CLPTM1: variants seen among roughly 807,000 people sequenced by gnomAD.
The protein encoded by CLPTM1 is CLPTM1 regulator of GABA type A receptor forward trafficking, also known as putative lipid scramblase CLPTM1.
Under a neutral mutation model 77.3 loss-of-function variants are expected in CLPTM1, and 21 were observed. The observed-to-expected ratio is 0.27, with a 90% CI of 0.19 to 0.39. The LOEUF is 0.39. Among genes scored for constraint, CLPTM1 ranks in the 10% least tolerant of loss-of-function variants. The pLI, the probability that CLPTM1 is intolerant of heterozygous loss-of-function variation, is 1.00. For synonymous variants in CLPTM1, 373 were observed against 381.0 expected (o/e 0.98, Z 0.24); for missense variants, 642 against 921.2 (o/e 0.70, Z 3.92).
Position 44,992,803 on chromosome 19 carries a change from C to G in CLPTM1, c.1916C>G (p.Thr639Arg). Reference sequence around the variant, plus strand: ...ACCGCCACCAGGGAGGAGGCCTCCACGTCCCTGCCCACCAAGCCCACCCAG... The same window carrying G: ...ACCGCCACCAGGGAGGAGGCCTCCAGGTCCCTGCCCACCAAGCCCACCCAG... ...TTTATREEAS[T>R]SLPTKPTQGA... The change falls in exon 14 of 14, where the codon ACG becomes AGG. Residue 639 changes from threonine to arginine, a missense_variant. By Grantham distance (71) the Thr-to-Arg change is moderately conservative. Transcript: ENST00000337392. The surrounding 1 kb of genome is among the most constrained non-coding windows in gnomAD (Gnocchi z 7.7). The G allele has an allele frequency of 1.2e-6, 2 of 1,613,462 alleles. No homozygotes were observed. Among genetic ancestry groups the G allele is most frequent in the Non-Finnish European group, 1.7e-6 (2 of 1,179,882 alleles).
chr19:44,968,397 G>A (rs932544509), intron 2 of CLPTM1, among the ~76,000 whole-genome samples: 6 of 152,130 alleles, frequency 3.9e-5, no homozygotes, highest in Non-Finnish European at 7.3e-5. Flanking sequence ...GGAATGGGGT[G>A]GGAGGGAGAG....
At chr19:44,986,637 T>C in intron 7 of CLPTM1, 62 bp downstream of exon 7, 2 of 1,580,656 alleles carry the variant, frequency 1.3e-6, no homozygotes, top group South Asian at 2.3e-5. Context: ...GGGGTCCATC[T>C]CCTTGTCTTC....
chr19:44,956,107 C>T (rs527715408), intron 1 of CLPTM1, among the ~76,000 whole-genome samples: 1 of 152,280 alleles, frequency 6.6e-6, no homozygotes, highest in African/African-American at 2.4e-5. Context: ...CCACTGCTGT[C>T]TTAACACACT....
intron 2 of CLPTM1, among the ~76,000 whole-genome samples, chr19:44,972,492 G>A (rs905474596): frequency 2.0e-5 from 3 of 151,900 alleles, no homozygotes; most frequent in Admixed American, 6.6e-5. Context: ...CTCGTGATCC[G>A]CCCGCCTTGG....
At chr19:44,986,788 A>C in intron 7 of CLPTM1, 1 of 585,654 alleles carries the variant, frequency 1.7e-6, no homozygotes, top group South Asian at 2.3e-5. Flanking sequence ...ACACGCCAGC[A>C]TCGGTCCGCA....
chr19:44,964,468 G>A lies in CLPTM1; in HGVS notation c.185+2393G>A, dbSNP rs540854337. ...TGGGACTACAGGCACCTGCCACCAC[G>A]CCTGGCTAATTTTTGTATTTTTAGT... On this transcript the variant is annotated intron_variant, in intron 2 of 13. Coordinates refer to ENST00000337392, the MANE Select transcript of CLPTM1 (RefSeq NM_001294.4). Among the ~76,000 whole-genome samples the A allele has an allele frequency of 2.6e-5, 4 of 151,466 alleles. No homozygotes were observed. In the South Asian group the frequency reaches 6.3e-4, roughly 24 times the overall value.
rs574697802 is a variant in CLPTM1, at chr19:44,992,054, C to T, written c.1556-179C>T. ...TCAGATATCCAGGGAGAGAGCTGTG[C>T]GGATGTGACAGAAGGCCCCACCAGT... On this transcript the variant is annotated intron_variant, in intron 12 of 13. Transcript: ENST00000337392. The surrounding 1 kb of genome is among the most constrained non-coding windows in gnomAD (Gnocchi z 7.7). 3.2e-4 allele frequency among the ~76,000 whole-genome samples: 48 copies of T among 152,172 alleles called. No homozygotes were observed. The highest frequency in any genetic ancestry group is 1.6e-3 in the Admixed American group (25 of 15,290).
intron 2 of CLPTM1, among the ~76,000 whole-genome samples, chr19:44,969,131 C>T (rs1277459794): frequency 6.6e-6 from 1 of 152,200 alleles, no homozygotes; most frequent in Non-Finnish European, 1.5e-5. Context: ...TTCTCAGTCA[C>T]TTACTGGGTA....
At chr19:44,970,798 C>G (rs1264209220) in intron 2 of CLPTM1, among the ~76,000 whole-genome samples, 1 of 143,830 alleles carries the variant, frequency 7.0e-6, no homozygotes, top group African/African-American at 2.8e-5. Context: ...TTTTTTTTCC[C>G]CTAGACCTGC....
At chr19:44,959,743 G>T (rs1260401759) in intron 1 of CLPTM1, among the ~76,000 whole-genome samples, 1 of 152,180 alleles carries the variant, frequency 6.6e-6, no homozygotes, top group African/African-American at 2.4e-5. Context: ...TTCAATAACT[G>T]CCATATTTTC....
At chr19:44,961,443 C>T (rs762118722) in intron 1 of CLPTM1, among the ~76,000 whole-genome samples, 1 of 152,214 alleles carries the variant, frequency 6.6e-6, no homozygotes, top group Non-Finnish European at 1.5e-5. Context: ...TAGCCACCTC[C>T]TTGCATCCTG....
chr19:44,982,654 G>A (rs1231403694), intron 5 of CLPTM1, among the ~76,000 whole-genome samples: 1 of 152,240 alleles, frequency 6.6e-6, no homozygotes, highest in Non-Finnish European at 1.5e-5. Flanking sequence ...GACAGTCTCT[G>A]TCAGGTGTGG....
intron 2 of CLPTM1, 144 bp from the exon 3 acceptor site, chr19:44,972,943 G>A: frequency 8.8e-7 from 1 of 1,136,996 alleles, no homozygotes; most frequent in Non-Finnish European, 1.3e-6. Flanking sequence ...TGCCAGCCCT[G>A]TGACTACCTT....
At chr19:44,960,732 C>CA (rs1168203463) in intron 1 of CLPTM1, among the ~76,000 whole-genome samples, 3 of 152,172 alleles carry the variant, frequency 2.0e-5, no homozygotes, top group African/African-American at 7.2e-5. Flanking sequence ...ACTGGAGCCT[C>CA]AGAGGGAAGT....
At chr19:44,970,688 C>T (rs564374741) in intron 2 of CLPTM1, among the ~76,000 whole-genome samples, 2 of 146,712 alleles carry the variant, frequency 1.4e-5, no homozygotes, top group African/African-American at 2.7e-5. Flanking sequence ...TGAGCCACCG[C>T]GCCCAGCCTA....
chr19:44,985,261 C>T lies in CLPTM1; in HGVS notation c.630C>T (p.Asn210=), dbSNP rs199565008. The T allele has an allele frequency of 8.7e-6, 14 of 1,613,978 alleles. No homozygotes were observed. In the East Asian group the frequency reaches 3.1e-4, roughly 36 times the overall value. The change falls in exon 6 of 14, where the codon AAC becomes AAT. Residue 210 remains asparagine (N), a synonymous_variant. Transcript: ENST00000337392. ...YKRRRFQKTK[N]LLTGETEADP... is the part of the protein sequence containing the mutation. Reference sequence around the variant, plus strand: ...GCAGACGATTTCAGAAAACCAAGAACCTGCTGACAGGAGAGACAGAAGCGG... The same window carrying T: ...GCAGACGATTTCAGAAAACCAAGAATCTGCTGACAGGAGAGACAGAAGCGG...
At position 44,970,687 on chromosome 19, in the gene CLPTM1, G is replaced by A. The variant is rs139016174; in HGVS notation, c.186-2400G>A. On this transcript the variant is annotated intron_variant, in intron 2 of 13. Transcript: ENST00000337392. Reference sequence around the variant, plus strand: ...GCTGGGGTTACAGGTGTGAGCCACCGCGCCCAGCCTAGGCCAGCATTTTTG... The same window carrying A: ...GCTGGGGTTACAGGTGTGAGCCACCACGCCCAGCCTAGGCCAGCATTTTTG... Among the ~76,000 whole-genome samples the A allele has an allele frequency of 1.2e-3, 180 of 146,040 alleles. 24 individuals are homozygous for A. Among genetic ancestry groups the A allele is most frequent in the African/African-American group, 4.4e-3 (163 of 37,080 alleles).
intron 2 of CLPTM1, among the ~76,000 whole-genome samples, chr19:44,965,296 G>A (rs1178060146): frequency 1.3e-5 from 2 of 151,392 alleles, no homozygotes; most frequent in Non-Finnish European, 1.5e-5. Flanking sequence ...TCAAGAGATC[G>A]AGACCATCCT....
chr19:44,965,576 G>A (rs1970615497), intron 2 of CLPTM1, among the ~76,000 whole-genome samples: 1 of 152,054 alleles, frequency 6.6e-6, no homozygotes, highest in African/African-American at 2.4e-5. Flanking sequence ...CACTTTGGGA[G>A]GCCAAGGCAA....
Sources: gnomAD v4.1 joint callset for allele counts (sites outside exome capture counted in the v4.1 genomes callset) on GRCh38, gnomAD v4.1.1 for gene constraint, Gnocchi (gnomAD v3.1) non-coding constraint, MANE v1.5 for transcripts, NCBI Gene and HGNC (gene_info 2026-07-23, HGNC 2026-07-21) for gene names.